MAPRE3: variants seen among roughly 807,000 people sequenced by gnomAD.
MAPRE3 encodes microtubule associated protein RP/EB family member 3.
Under a neutral mutation model 30.5 loss-of-function variants are expected in MAPRE3, and 2 were observed. The observed-to-expected ratio is 0.07, with a 90% CI of 0.03 to 0.21. The LOEUF (loss-of-function observed/expected upper bound fraction) is 0.21, where lower values mean the gene tolerates loss of function less well. Among genes scored for constraint, MAPRE3 ranks in the 10% least tolerant of loss-of-function variants. MAPRE3 has a pLI of 1.00. For synonymous variants in MAPRE3, 110 were observed against 127.7 expected, an observed-to-expected ratio of 0.86 and a Z score of 0.93; for missense variants, 204 against 351.8, an observed-to-expected ratio of 0.58 and a Z score of 3.36.
intron 1 of MAPRE3, among the ~76,000 whole-genome samples, chr2:26,978,253 G>A (rs952093259): frequency 6.6e-6 from 1 of 152,238 alleles, no homozygotes; most frequent in Non-Finnish European, 1.5e-5. Flanking sequence ...GAGTCAGCAA[G>A]ATCATAGTTG....
At position 26,985,380 on chromosome 2, in the gene MAPRE3, G is replaced by A. The variant is rs1666196798; in HGVS notation, c.-8+14578G>A. Among the ~76,000 whole-genome samples the A allele has an allele frequency of 6.6e-6, 1 of 152,230 alleles. No homozygotes were observed. The highest frequency in any genetic ancestry group is 1.5e-5 in the Non-Finnish European group (1 of 68,034). On this transcript the variant is annotated intron_variant, in intron 1 of 6. Transcript: ENST00000233121. The surrounding 1 kb of genome is among the most constrained non-coding windows in gnomAD (Gnocchi z 4.2). ...CTCCATGTGCAAAGACTTAGCCAGA[G>A]AGCATTCTGGCAGCATAGATCTGAG...
chr2:26,983,493 G>A (rs1162064113), intron 1 of MAPRE3, among the ~76,000 whole-genome samples: 1 of 152,166 alleles, frequency 6.6e-6, no homozygotes, highest in Non-Finnish European at 1.5e-5. Context: ...TGTGTTAGGA[G>A]GTCATAACAC....
intron 1 of MAPRE3, among the ~76,000 whole-genome samples, chr2:26,991,665 T>G (rs1666346059): frequency 2.0e-5 from 3 of 152,162 alleles, no homozygotes; most frequent in African/African-American, 7.2e-5. Context: ...TTCACACAGT[T>G]TATCTCCTTT....
At chr2:27,008,107 A>G (rs919953988) in intron 1 of MAPRE3, among the ~76,000 whole-genome samples, 3 of 152,220 alleles carry the variant, frequency 2.0e-5, no homozygotes, top group Non-Finnish European at 4.4e-5. Flanking sequence ...TTCAGCCCCA[A>G]TAATCCTACA....
In MAPRE3 at chr2:27,024,114, T is replaced by C. The variant is rs1181539727; in HGVS notation, c.286T>C (p.Leu96=). 11 of 1,613,606 alleles carry C rather than the reference T, an allele frequency of 6.8e-6. No homozygotes were observed. The highest frequency in any genetic ancestry group is 9.3e-6 in the Non-Finnish European group (11 of 1,179,672). The change falls in exon 4 of 7, where the codon TTA becomes CTA. Residue 96 remains leucine, a synonymous_variant. Coordinates refer to ENST00000233121, the MANE Select transcript of MAPRE3 (RefSeq NM_012326.4). ...GVDKIIPVEK[L]VKGKFQDNFE... ...ATTTCAGATCATTCCTGTAGAGAAA[T>C]TAGTGAAAGGAAAATTCCAAGATAA...
intron 1 of MAPRE3, among the ~76,000 whole-genome samples, chr2:26,973,415 A>G (rs964277259): frequency 6.6e-6 from 1 of 152,226 alleles, no homozygotes; most frequent in East Asian, 1.9e-4. Context: ...AAGTTCCCAT[A>G]TGAGAATCCA....
chr2:27,011,208 A>T (rs1558382863), intron 1 of MAPRE3, among the ~76,000 whole-genome samples: 1 of 151,988 alleles, frequency 6.6e-6, no homozygotes, highest in Non-Finnish European at 1.5e-5. Flanking sequence ...CCATGTCCAG[A>T]ATTTCCCATT....
rs1476498814 is a variant in MAPRE3 at position 26,985,108 on chromosome 2, A to G, written c.-8+14306A>G. The G allele has an allele frequency of 6.6e-6, 1 of 152,236 alleles. No individual in the cohort carries two copies. The highest frequency in any genetic ancestry group is 1.5e-5 in the Non-Finnish European group (1 of 68,054). The allele number at this position is 152,236 out of a possible 1,614,324, so 9.4% of individuals were successfully genotyped here. On this transcript the variant is annotated intron_variant, in intron 1 of 6. Coordinates refer to ENST00000233121, the MANE Select transcript of MAPRE3 (RefSeq NM_012326.4). This position sits in a 1 kb window ranked among gnomAD's most constrained non-coding sequence, Gnocchi z 4.2. ...GCATTTGGGAAGGAGTAGAAGGGAC[A>G]TCCCTAGGTCCTGAATTCTTCCTTT...
At chr2:27,026,057 C>A in intron 6 of MAPRE3, 25 bp downstream of exon 6, 9 of 1,613,480 alleles carry the variant, frequency 5.6e-6, no homozygotes, top group Non-Finnish European at 7.6e-6. Flanking sequence ...GCCCATTGGG[C>A]CCTCCCCAGT....
chr2:27,026,696 G>A lies in MAPRE3; in HGVS notation c.*348G>A. The A allele has an allele frequency of 3.9e-6, 1 of 258,262 alleles. No homozygotes were observed. The highest frequency in any genetic ancestry group is 8.3e-5 in the East Asian group (1 of 12,010). The allele number at this position is 258,262 out of a possible 1,614,324, so 16.0% of individuals were successfully genotyped here. On this transcript the variant is annotated 3_prime_UTR_variant, in exon 7 of 7. Coordinates refer to ENST00000233121, the MANE Select transcript of MAPRE3 (RefSeq NM_012326.4). ...AGCTGTGTATTTGACAAAGTCATTGGTATATTTTTACTTACTGGATTCTCC... is the reference window on the plus strand; with the variant it reads ...AGCTGTGTATTTGACAAAGTCATTGATATATTTTTACTTACTGGATTCTCC...
chr2:26,983,672 T>C (rs1286326098), intron 1 of MAPRE3, among the ~76,000 whole-genome samples: 1 of 152,214 alleles, frequency 6.6e-6, no homozygotes, highest in Non-Finnish European at 1.5e-5. Context: ...GGAAATTATG[T>C]TGCTTGCCAC....
chr2:27,002,174 C>T (rs1666615054), intron 1 of MAPRE3: 1 of 152,172 alleles, frequency 6.6e-6, no homozygotes, highest in Non-Finnish European at 1.5e-5. Context: ...GCTGAGTCAC[C>T]CAGCCAGCAG....
In MAPRE3 at chr2:26,985,527, C is replaced by A. The variant is rs542727785; in HGVS notation, c.-8+14725C>A. Among the ~76,000 whole-genome samples, 1 of 152,156 alleles carries A rather than the reference C, an allele frequency of 6.6e-6. No homozygotes were observed. Among genetic ancestry groups the A allele is most frequent in the Non-Finnish European group, 1.5e-5 (1 of 68,030 alleles). ...ACTGCCATGGCCACAGGGCAACCAC[C>A]ATAACTCAGAGCAACCCCTGGAGAA... On this transcript the variant is annotated intron_variant, in intron 1 of 6. Coordinates refer to ENST00000233121, the MANE Select transcript of MAPRE3 (RefSeq NM_012326.4). This position sits in a 1 kb window ranked among gnomAD's most constrained non-coding sequence, Gnocchi z 4.2.
intron 1 of MAPRE3, among the ~76,000 whole-genome samples, chr2:26,971,409 G>A (rs1665913193): frequency 6.6e-6 from 1 of 152,192 alleles, no homozygotes; most frequent in Non-Finnish European, 1.5e-5. Context: ...GCTGGGAAGG[G>A]TTCAGCCCCA....
At chr2:27,009,767 A>C (rs1666807509) in intron 1 of MAPRE3, 1 of 152,114 alleles carries the variant, frequency 6.6e-6, no homozygotes, top group African/African-American at 2.4e-5. Context: ...CTTTCCTCTT[A>C]ACTCTTACCT....
intron 1 of MAPRE3, among the ~76,000 whole-genome samples, chr2:26,988,447 A>T (rs935637313): frequency 2.6e-5 from 4 of 152,224 alleles, no homozygotes; most frequent in Admixed American, 6.5e-5. Flanking sequence ...GAAATTTTTC[A>T]GCAAATTTTT....
chr2:26,991,489 G>T (rs1666342574), intron 1 of MAPRE3, among the ~76,000 whole-genome samples: 1 of 152,180 alleles, frequency 6.6e-6, no homozygotes. Flanking sequence ...GGTGACAATT[G>T]GCTACAAATG....
chr2:26,996,115 AATTTTATTTTATTTT>A (rs60224906), intron 1 of MAPRE3, among the ~76,000 whole-genome samples: 1,677 of 130,698 alleles, frequency 0.013, 42 homozygotes, highest in African/African-American at 0.044. Flanking sequence ...AGAAGATAGG[AATTTTATTTTATTTT>A]ATTTTATTTT....
intron 1 of MAPRE3, among the ~76,000 whole-genome samples, chr2:27,007,419 T>C (rs567191858): frequency 3.8e-4 from 58 of 152,394 alleles, no homozygotes; most frequent in African/African-American, 1.3e-3. Flanking sequence ...GGGAAAGTTT[T>C]GAATGGCCTG....
Sources: gnomAD v4.1 joint callset for allele counts (sites outside exome capture counted in the v4.1 genomes callset) on GRCh38, gnomAD v4.1.1 for gene constraint, Gnocchi (gnomAD v3.1) non-coding constraint, MANE v1.5 for transcripts, NCBI Gene and HGNC (gene_info 2026-07-23, HGNC 2026-07-21) for gene names.